Variants in GPR62 observed in about 807,000 individuals in gnomAD.
GPR62 encodes the protein G protein-coupled receptor 62.
For missense variants in GPR62, 513 were observed against 541.5 expected, an observed-to-expected ratio of 0.95 and a Z score of 0.52; for synonymous variants, 280 against 286.9, an observed-to-expected ratio of 0.98 and a Z score of 0.24.
chr3:51,956,898 G>A lies in GPR62; in HGVS notation c.*139G>A, dbSNP rs1699859983. On this transcript the variant is annotated 3_prime_UTR_variant, in exon 1 of 1. Transcript: ENST00000322241. Reference sequence around the variant, plus strand: ...CCTGGTGAGGCCCACGGACTTCTGAGAGCCAGGAATCCTGCGGTCTGGGCC... The same window carrying A: ...CCTGGTGAGGCCCACGGACTTCTGAAAGCCAGGAATCCTGCGGTCTGGGCC... The A allele has an allele frequency of 2.1e-6, 3 of 1,424,634 alleles. No homozygotes were observed. The highest frequency in any genetic ancestry group is 2.8e-6 in the Non-Finnish European group (3 of 1,077,450). 88.2% of individuals were successfully genotyped at this position (1,424,634 alleles called of 1,614,324 possible). A position where few individuals can be genotyped will look rare whatever the true frequency, so the allele number is the denominator to read the frequency against.
At position 51,956,857 on chromosome 3, in the gene GPR62, G is replaced by T; in HGVS notation, c.*98G>T. Reference sequence around the variant, plus strand: ...GATATCTGGGTCTGGAACAGGAGGAGAAAGGGTGTCTGCTGCCTGGTGAGG... The same window carrying T: ...GATATCTGGGTCTGGAACAGGAGGATAAAGGGTGTCTGCTGCCTGGTGAGG... On this transcript the variant is annotated 3_prime_UTR_variant, in exon 1 of 1. Coordinates refer to ENST00000322241, the MANE Select transcript of GPR62 (RefSeq NM_080865.4). 6.8e-7 allele frequency: 1 copy of T among 1,466,442 alleles called. No homozygotes were observed. The highest frequency in any genetic ancestry group is 1.4e-5 in the African/African-American group (1 of 70,440). The allele number at this position is 1,466,442 out of a possible 1,614,324, so 90.8% of individuals were successfully genotyped here. A position where few individuals can be genotyped will look rare whatever the true frequency, so the allele number is the denominator to read the frequency against.
At position 51,955,762 on chromosome 3, in the gene GPR62, T is replaced by C; in HGVS notation, c.110T>C (p.Val37Ala). 6.2e-7 allele frequency: 1 copy of C among 1,603,462 alleles called. No homozygotes were observed. Among genetic ancestry groups the C allele is most frequent in the Non-Finnish European group, 8.5e-7 (1 of 1,175,406 alleles). The stretch of plus-strand genomic sequence containing the variant: ...CTGCTGGGCAACGGCGCGCTGCTGG[T>C]CGTGGTGCTGCGCACGCCGGGACTG... ...GALLGNGALLVVVLRTPGLRD... is the reference protein window; with the variant it reads ...GALLGNGALLAVVLRTPGLRD... The change falls in exon 1 of 1, where the codon GTC (valine) becomes GCC (alanine). Residue 37 changes from valine (V) to alanine (A), a missense_variant. Val to Ala is a moderately conservative substitution (Grantham distance 64). Coordinates refer to ENST00000322241, the MANE Select transcript of GPR62 (RefSeq NM_080865.4).
At position 51,955,596 on chromosome 3, in the gene GPR62, C is replaced by A; in HGVS notation, c.-57C>A. 1.4e-6 allele frequency: 2 copies of A among 1,394,742 alleles called. No homozygotes were observed. Among genetic ancestry groups the A allele is most frequent in the Non-Finnish European group, 1.9e-6 (2 of 1,028,138 alleles). 86.4% of individuals were successfully genotyped at this position (1,394,742 alleles called of 1,614,324 possible). ...AGGACAGGTGATGGAAATCCTGCAG[C>A]TTTAGGCTCCATTCTGCCATCTACA... On this transcript the variant is annotated 5_prime_UTR_variant, in exon 1 of 1. Coordinates refer to ENST00000322241, the MANE Select transcript of GPR62 (RefSeq NM_080865.4).
In GPR62 at chr3:51,955,486, A is replaced by G. The variant is rs945780975; in HGVS notation, c.-167A>G. On this transcript the variant is annotated 5_prime_UTR_variant, in exon 1 of 1. Coordinates refer to ENST00000322241, the MANE Select transcript of GPR62 (RefSeq NM_080865.4). ...CTCCATGGGCCTGGCCAAGCCCCCAAGAGGATGGCAGCCTGGGCGTCGGAG... is the reference window on the plus strand; with the variant it reads ...CTCCATGGGCCTGGCCAAGCCCCCAGGAGGATGGCAGCCTGGGCGTCGGAG... 5 of 591,368 alleles carry G rather than the reference A, an allele frequency of 8.5e-6. No homozygotes were observed. Among genetic ancestry groups the G allele is most frequent in the Non-Finnish European group, 1.2e-5 (4 of 342,088 alleles). 36.6% of individuals were successfully genotyped at this position (591,368 alleles called of 1,614,324 possible). A position where few individuals can be genotyped will look rare whatever the true frequency, so the allele number is the denominator to read the frequency against.
rs1267694436 is a variant in GPR62 at position 51,956,811 on chromosome 3, G to C, written c.*52G>C. 1.3e-6 allele frequency: 2 copies of C among 1,516,360 alleles called. No homozygotes were observed. The highest frequency in any genetic ancestry group is 1.8e-6 in the Non-Finnish European group (2 of 1,133,840). 93.9% of individuals were successfully genotyped at this position (1,516,360 alleles called of 1,614,324 possible). On this transcript the variant is annotated 3_prime_UTR_variant, in exon 1 of 1. Coordinates refer to ENST00000322241, the MANE Select transcript of GPR62 (RefSeq NM_080865.4). ...GGGGGCTCATCCAACCCCTGCACAGGTCACAGCAGGTGCCCTGCTGGATAT... is the reference window on the plus strand; with the variant it reads ...GGGGGCTCATCCAACCCCTGCACAGCTCACAGCAGGTGCCCTGCTGGATAT...
At position 51,955,720 on chromosome 3, in the gene GPR62, T is replaced by C; in HGVS notation, c.68T>C (p.Val23Ala). The C allele has an allele frequency of 6.2e-7, 1 of 1,608,996 alleles. No homozygotes were observed. Among genetic ancestry groups the C allele is most frequent in the South Asian group, 1.1e-5 (1 of 90,186 alleles). ...AGSLGLILAA[V>A]VEVGALLGNG... ...TCGTTGGGGTTGATCCTGGCAGCTG[T>C]CGTGGAGGTGGGGGCACTGCTGGGC... Residue 23 changes from valine (V) to alanine (A), a missense_variant, in exon 1 of 1, where the codon GTC becomes GCC. Physicochemically the swap from Val to Ala is moderately conservative, Grantham distance 64. Coordinates refer to ENST00000322241, the MANE Select transcript of GPR62 (RefSeq NM_080865.4).
rs779048603 is a variant in GPR62 at position 51,955,676 on chromosome 3, C to T, written c.24C>T (p.Asn8=). The T allele has an allele frequency of 9.3e-6, 15 of 1,609,234 alleles. No homozygotes were observed. The highest frequency in any genetic ancestry group is 1.3e-5 in the Non-Finnish European group (15 of 1,177,678). ...AAATGGCCAACTCCACAGGGCTGAACGCCTCAGAAGTCGCAGGCTCGTTGG... is the reference window on the plus strand; with the variant it reads ...AAATGGCCAACTCCACAGGGCTGAATGCCTCAGAAGTCGCAGGCTCGTTGG... MANSTGL[N]ASEVAGSLGL... is the part of the protein sequence containing the mutation. The change falls in exon 1 of 1, where the codon AAC becomes AAT. Residue 8 remains asparagine (N), a synonymous_variant. Coordinates refer to ENST00000322241, the MANE Select transcript of GPR62 (RefSeq NM_080865.4).
In GPR62 at chr3:51,956,880, A is replaced by G. The variant is rs953149636; in HGVS notation, c.*121A>G. Reference sequence around the variant, plus strand: ...GAGAAAGGGTGTCTGCTGCCTGGTGAGGCCCACGGACTTCTGAGAGCCAGG... The same window carrying G: ...GAGAAAGGGTGTCTGCTGCCTGGTGGGGCCCACGGACTTCTGAGAGCCAGG... On this transcript the variant is annotated 3_prime_UTR_variant, in exon 1 of 1. Coordinates refer to ENST00000322241, the MANE Select transcript of GPR62 (RefSeq NM_080865.4). 3 of 1,445,776 alleles carry G rather than the reference A, an allele frequency of 2.1e-6. No homozygotes were observed. Among genetic ancestry groups the G allele is most frequent in the Admixed American group, 5.7e-5 (2 of 34,940 alleles). 89.6% of individuals were successfully genotyped at this position (1,445,776 alleles called of 1,614,324 possible).
Position 51,955,452 on chromosome 3 carries a change from C to T in GPR62, c.-201C>T, listed in dbSNP as rs1337901575. 5.8e-6 allele frequency: 3 copies of T among 517,004 alleles called. No homozygotes were observed. The African/African-American group carries it at 6.1e-5, about 10-fold the overall frequency. The allele number at this position is 517,004 out of a possible 1,614,324, so 32.0% of individuals were successfully genotyped here. On this transcript the variant is annotated 5_prime_UTR_variant, in exon 1 of 1. Transcript: ENST00000322241. Reference sequence around the variant, plus strand: ...AGGGGAGAAAGACAGCAGACTCATCCTTGCACCCCTCCATGGGCCTGGCCA... The same window carrying T: ...AGGGGAGAAAGACAGCAGACTCATCTTTGCACCCCTCCATGGGCCTGGCCA...
In GPR62 at chr3:51,955,571, A is replaced by G. The variant is rs2106708661; in HGVS notation, c.-82A>G. 1 of 1,208,216 alleles carries G rather than the reference A, an allele frequency of 8.3e-7. No individual in the cohort carries two copies. The highest frequency in any genetic ancestry group is 1.6e-5 in the African/African-American group (1 of 63,512). The allele number at this position is 1,208,216 out of a possible 1,614,324, so 74.8% of individuals were successfully genotyped here. On this transcript the variant is annotated 5_prime_UTR_variant, in exon 1 of 1. Transcript: ENST00000322241. Reference sequence around the variant, plus strand: ...GAGGAGCAAGGGACAAGAGGAGCAGAGGACAGGTGATGGAAATCCTGCAGC... The same window carrying G: ...GAGGAGCAAGGGACAAGAGGAGCAGGGGACAGGTGATGGAAATCCTGCAGC...
In GPR62 at chr3:51,955,953, G is replaced by T; in HGVS notation, c.301G>T (p.Ala101Ser). Residue 101 changes from alanine to serine, a missense_variant, in exon 1 of 1, where the codon GCC becomes TCC. Ala to Ser is a moderately conservative substitution (Grantham distance 99). Transcript: ENST00000322241. ...ARFLSAALLP[A>S]CTLGVAALGL... ...CTTCCTCTCCGCCGCTCTGCTGCCG[G>T]CCTGCACGCTCGGGGTGGCCGCACT... The T allele has an allele frequency of 7.0e-7, 1 of 1,419,976 alleles. No individual in the cohort carries two copies. The allele number at this position is 1,419,976 out of a possible 1,614,324, so 88.0% of individuals were successfully genotyped here. A position where few individuals can be genotyped will look rare whatever the true frequency, so the allele number is the denominator to read the frequency against.
chr3:51,955,760 G>C lies in GPR62; in HGVS notation c.108G>C (p.Leu36=). 1.2e-6 allele frequency: 2 copies of C among 1,603,806 alleles called. No individual in the cohort carries two copies. The highest frequency in any genetic ancestry group is 1.1e-5 in the South Asian group (1 of 89,592). Reference sequence around the variant, plus strand: ...CACTGCTGGGCAACGGCGCGCTGCTGGTCGTGGTGCTGCGCACGCCGGGAC... The same window carrying C: ...CACTGCTGGGCAACGGCGCGCTGCTCGTCGTGGTGCTGCGCACGCCGGGAC... The part of the protein sequence containing the change: ...VGALLGNGAL[L]VVVLRTPGLR... Residue 36 remains leucine, a synonymous_variant, in exon 1 of 1, where the codon CTG becomes CTC. Transcript: ENST00000322241.
chr3:51,956,415 C>G lies in GPR62; in HGVS notation c.763C>G (p.Leu255Val). The change falls in exon 1 of 1, where the codon CTG becomes GTG. Residue 255 changes from leucine to valine, a missense_variant. Physicochemically the swap from Leu to Val is conservative, Grantham distance 32. Coordinates refer to ENST00000322241, the MANE Select transcript of GPR62 (RefSeq NM_080865.4). ...CGTGGGCCAATTTGCAGCCTGCTGG[C>G]TGCCTTATGGCTGCGCGTGCCTGGC... Reference protein sequence around the residue: ...LAVGQFAACWLPYGCACLAPA... With the variant: ...LAVGQFAACWVPYGCACLAPA... The G allele has an allele frequency of 6.5e-7, 1 of 1,527,196 alleles. No individual in the cohort carries two copies. Among genetic ancestry groups the G allele is most frequent in the Non-Finnish European group, 8.7e-7 (1 of 1,145,326 alleles). 94.6% of individuals were successfully genotyped at this position (1,527,196 alleles called of 1,614,324 possible). A position where few individuals can be genotyped will look rare whatever the true frequency, so the allele number is the denominator to read the frequency against.
rs752875706 is a variant in GPR62, at chr3:51,956,539, C to T, written c.887C>T (p.Pro296Leu). The T allele has an allele frequency of 6.2e-7, 1 of 1,607,664 alleles. No individual in the cohort carries two copies. The highest frequency in any genetic ancestry group is 8.5e-7 in the Non-Finnish European group (1 of 1,178,112). ...TTCCTGTACGGGCTGCTGCAGCGCC[C>T]CGTGCGCTTGGCACTGGGCCGCCTC... Reference protein sequence around the residue: ...HPFLYGLLQRPVRLALGRLSR... With the variant: ...HPFLYGLLQRLVRLALGRLSR... The change falls in exon 1 of 1, where the codon CCC becomes CTC. Residue 296 changes from proline to leucine, a missense_variant. By Grantham distance (98) the Pro-to-Leu change is moderately conservative. Coordinates refer to ENST00000322241, the MANE Select transcript of GPR62 (RefSeq NM_080865.4).
Position 51,955,625 on chromosome 3 carries a change from C to T in GPR62, c.-28C>T, listed in dbSNP as rs2106708765. 1 of 1,528,338 alleles carries T rather than the reference C, an allele frequency of 6.5e-7. No homozygotes were observed. The highest frequency in any genetic ancestry group is 2.6e-5 in the East Asian group (1 of 38,844). The allele number at this position is 1,528,338 out of a possible 1,614,324, so 94.7% of individuals were successfully genotyped here. A position where few individuals can be genotyped will look rare whatever the true frequency, so the allele number is the denominator to read the frequency against. ...AGGCTCCATTCTGCCATCTACATCC[C>T]AGCGCAGGGTGAAGCCTGAGAGCCC... On this transcript the variant is annotated 5_prime_UTR_variant, in exon 1 of 1. Coordinates refer to ENST00000322241, the MANE Select transcript of GPR62 (RefSeq NM_080865.4).
Position 51,956,100 on chromosome 3 carries a change from G to A in GPR62, c.448G>A (p.Gly150Ser), listed in dbSNP as rs765940415. ...ACTGCTGGGCGCGCTCTCCCTGCTCGGCACGCCGCCCGCACCGCCCCCTGC... is the reference window on the plus strand; with the variant it reads ...ACTGCTGGGCGCGCTCTCCCTGCTCAGCACGCCGCCCGCACCGCCCCCTGC... ...AGLLGALSLLGTPPAPPPAPA... is the reference protein window; with the variant it reads ...AGLLGALSLLSTPPAPPPAPA... Residue 150 changes from glycine (G) to serine (S), a missense_variant, in exon 1 of 1, where the codon GGC becomes AGC. By Grantham distance (56) the Gly-to-Ser change is moderately conservative. Coordinates refer to ENST00000322241, the MANE Select transcript of GPR62 (RefSeq NM_080865.4). 7.0e-7 allele frequency: 1 copy of A among 1,435,132 alleles called. No individual in the cohort carries two copies. Among genetic ancestry groups the A allele is most frequent in the Non-Finnish European group, 9.1e-7 (1 of 1,100,098 alleles). 88.9% of individuals were successfully genotyped at this position (1,435,132 alleles called of 1,614,324 possible).
At position 51,956,147 on chromosome 3, in the gene GPR62, G is replaced by C. The variant is rs1699840297; in HGVS notation, c.495G>C (p.Leu165=). 6.8e-7 allele frequency: 1 copy of C among 1,475,482 alleles called. No homozygotes were observed. The highest frequency in any genetic ancestry group is 8.9e-7 in the Non-Finnish European group (1 of 1,122,282). The allele number at this position is 1,475,482 out of a possible 1,614,324, so 91.4% of individuals were successfully genotyped here. A position where few individuals can be genotyped will look rare whatever the true frequency, so the allele number is the denominator to read the frequency against. ...CTGCTCCTGCTCGCTGCTCGGTCCT[G>C]GCTGGGGGCCTCGGGCCCTTCCGGC... ...PPPAPARCSV[L]AGGLGPFRPL... is the part of the protein sequence containing the mutation. Residue 165 remains leucine, a synonymous_variant, in exon 1 of 1, where the codon CTG becomes CTC. Transcript: ENST00000322241.
rs762214922 is a variant in GPR62, at chr3:51,956,783, C to T, written c.*24C>T. 5.1e-6 allele frequency: 8 copies of T among 1,562,486 alleles called. No individual in the cohort carries two copies. The African/African-American group carries it at 9.6e-5, about 19-fold the overall frequency. ...GAGCAGGAGAAAGGAGGGTGGTTTCCGTGGGGGCTCATCCAACCCCTGCAC... is the reference window on the plus strand; with the variant it reads ...GAGCAGGAGAAAGGAGGGTGGTTTCTGTGGGGGCTCATCCAACCCCTGCAC... On this transcript the variant is annotated 3_prime_UTR_variant, in exon 1 of 1. Transcript: ENST00000322241.
rs1471647953 is a variant in GPR62, at chr3:51,957,086, T to C, written c.*327T>C. 1 of 354,594 alleles carries C rather than the reference T, an allele frequency of 2.8e-6. No individual in the cohort carries two copies. Among genetic ancestry groups the C allele is most frequent in the East Asian group, 4.8e-5 (1 of 20,742 alleles). The allele number at this position is 354,594 out of a possible 1,614,324, so 22.0% of individuals were successfully genotyped here. A position where few individuals can be genotyped will look rare whatever the true frequency, so the allele number is the denominator to read the frequency against. ...GCAGGTGTCACAAAGAAGAGGGCCC[T>C]AAGGGCTCACAACCAAAGTGATCCG... On this transcript the variant is annotated 3_prime_UTR_variant, in exon 1 of 1. Transcript: ENST00000322241.
Sources: gnomAD v4.1 joint callset for allele counts on GRCh38, gnomAD v4.1.1 for gene constraint, MANE v1.5 for transcripts, NCBI Gene and HGNC (gene_info 2026-07-23, HGNC 2026-07-21) for gene names.